BBS7: variants seen among roughly 807,000 people sequenced by gnomAD.
The protein encoded by BBS7 is Bardet-Biedl syndrome 7, also known as BBSome complex member BBS7.
In BBS7, 50 loss-of-function variants were observed where a neutral mutation model predicts 90.3. That is an observed-to-expected ratio of 0.55 (90% CI 0.44 to 0.70). The LOEUF (loss-of-function observed/expected upper bound fraction) is 0.70. Among genes scored for constraint, BBS7 ranks in the 30% least tolerant of loss-of-function variants. The pLI, the probability that BBS7 is intolerant of heterozygous loss-of-function variation, is 0.00. For missense variants in BBS7, 729 were observed against 838.9 expected, an observed-to-expected ratio of 0.87 and a Z score of 1.62; for synonymous variants, 235 against 287.4, an observed-to-expected ratio of 0.82 and a Z score of 1.85.
rs1560661524 is a variant in BBS7, at chr4:121,855,922, A to ATATATGTATATATGTGTG, written c.529-362_529-361insCACACATATATACATATA. Among the ~76,000 whole-genome samples the ATATATGTATATATGTGTG allele has an allele frequency of 5.4e-5, 8 of 147,080 alleles. No homozygotes were observed. The East Asian group carries it at 1.4e-3, about 26-fold the overall frequency. On this transcript the variant is annotated intron_variant, in intron 5 of 18. Coordinates refer to ENST00000264499, the MANE Select transcript of BBS7 (RefSeq NM_176824.3). ...TATGTGTATATATGTATATATGTGT[A>ATATATGTATATATGTGTG]CATGTACATGTGTATATGTATATGT...
chr4:121,862,980 G>A (rs1336711946), intron 3 of BBS7, among the ~76,000 whole-genome samples: 1 of 152,102 alleles, frequency 6.6e-6, no homozygotes, highest in Non-Finnish European at 1.5e-5. Context: ...TAAATTTGGG[G>A]TAATATATTA....
At chr4:121,836,737 T>TTGGA (rs1258433360) in intron 13 of BBS7, among the ~76,000 whole-genome samples, 3 of 152,196 alleles carry the variant, frequency 2.0e-5, no homozygotes, top group African/African-American at 7.2e-5. Context: ...TAATATCTAT[T>TTGGA]TTCCTAAGTG....
At chr4:121,864,308 CCTT>C (rs2149090406) in intron 2 of BBS7, among the ~76,000 whole-genome samples, 1 of 152,306 alleles carries the variant, frequency 6.6e-6, no homozygotes, top group Admixed American at 6.5e-5. Context: ...AAATACCCCT[CCTT>C]ATTTCCAGCT....
At position 121,854,025 on chromosome 4, in the gene BBS7, T is replaced by C. The variant is rs866710591; in HGVS notation, c.718+679A>G. The stretch of plus-strand genomic sequence containing the variant: ...CCCCAAATCTTCATATTGCTAACTC[T>C]TTTTCTTATCAATCAGATCTCAGTT... On this transcript the variant is annotated intron_variant, in intron 7 of 18. Coordinates refer to ENST00000264499, the MANE Select transcript of BBS7 (RefSeq NM_176824.3). Among the ~76,000 whole-genome samples, 67 of 152,298 alleles carry C rather than the reference T, an allele frequency of 4.4e-4. No homozygotes were observed. In the Middle Eastern group the frequency reaches 0.01, roughly 23 times the overall value.
chr4:121,828,529 G>A (rs1184884991), intron 16 of BBS7, 24 bp from the exon 17 acceptor site: 1 of 1,579,260 alleles, frequency 6.3e-7, no homozygotes. Flanking sequence ...ACCAGATGCA[G>A]TTAGATAAAT....
chr4:121,854,403 TG>T (rs1408834973), intron 7 of BBS7, among the ~76,000 whole-genome samples: 3 of 152,170 alleles, frequency 2.0e-5, no homozygotes, highest in African/African-American at 7.2e-5. Flanking sequence ...CAATTAATTC[TG>T]TACCTCAAAC....
intron 12 of BBS7, 60 bp from the exon 13 acceptor site, chr4:121,839,756 G>T: frequency 2.2e-6 from 3 of 1,379,476 alleles, no homozygotes; most frequent in Non-Finnish European, 3.1e-6. Context: ...ACAAAAAAAA[G>T]ACATCAATAA....
rs745709198 is a variant in BBS7 at position 121,861,643 on chromosome 4, T to G, written c.202A>C (p.Arg68=). 2 of 1,613,788 alleles carry G rather than the reference T, an allele frequency of 1.2e-6. No individual in the cohort carries two copies. Among genetic ancestry groups the G allele is most frequent in the Non-Finnish European group, 1.7e-6 (2 of 1,179,812 alleles). The part of the protein sequence containing the change: ...FKTLPGPKIA[R]LELGGVINTP... ...TTGATAACCCCTCCCAGTTCCAGCC[T>G]TGCAATCTTCGGCCCGGGTAAAGTC... The change falls in exon 4 of 19, where the codon AGG becomes CGG. Residue 68 remains arginine (R), a synonymous_variant. Coordinates refer to ENST00000264499, the MANE Select transcript of BBS7 (RefSeq NM_176824.3).
chr4:121,860,307 C>G (rs774648047), intron 4 of BBS7, among the ~76,000 whole-genome samples: 15 of 152,028 alleles, frequency 9.9e-5, no homozygotes, highest in Non-Finnish European at 2.2e-4. Context: ...AGTGGGGATA[C>G]ATGGCAACAT....
chr4:121,858,705 A>G (rs1347966771), intron 5 of BBS7: 2 of 299,198 alleles, frequency 6.7e-6, no homozygotes, highest in Non-Finnish European at 1.3e-5. Context: ...AAAGGCAGGT[A>G]AAGGTTCTCT....
chr4:121,868,208 T>C (rs1029389643), intron 1 of BBS7, among the ~76,000 whole-genome samples, 162 bp from the exon 2 acceptor site: 1 of 152,178 alleles, frequency 6.6e-6, no homozygotes, highest in East Asian at 1.9e-4. Flanking sequence ...TCAGAATACA[T>C]ATAGGAAACA....
At position 121,859,186 on chromosome 4, in the gene BBS7, C is replaced by T; in HGVS notation, c.342-8G>A. The T allele has an allele frequency of 1.2e-6, 2 of 1,612,220 alleles. No individual in the cohort carries two copies. Among genetic ancestry groups the T allele is most frequent in the African/African-American group, 1.3e-5 (1 of 74,956 alleles). ...TCTGAGCCAGATATGTGCCTGAGAA[C>T]ATTAAAATAGTAATTTTTAAAAATA... On this transcript the variant is annotated splice_region_variant and splice_polypyrimidine_tract_variant and intron_variant, in intron 4 of 18. Coordinates refer to ENST00000264499, the MANE Select transcript of BBS7 (RefSeq NM_176824.3).
chr4:121,860,825 C>A (rs965501955), intron 4 of BBS7, among the ~76,000 whole-genome samples: 6 of 152,050 alleles, frequency 3.9e-5, no homozygotes, highest in Admixed American at 2.0e-4. Flanking sequence ...AAGAGTCTGG[C>A]TGATTATATA....
chr4:121,861,447 C>T (rs1437493948), intron 4 of BBS7, 57 bp downstream of exon 4: 1 of 1,528,612 alleles, frequency 6.5e-7, no homozygotes, highest in Admixed American at 1.8e-5. Context: ...TGCCTCACAT[C>T]TATCCAAAAT....
chr4:121,866,030 AT>A lies in BBS7; in HGVS notation c.102+1950del, dbSNP rs1174505552. On this transcript the variant is annotated intron_variant, in intron 2 of 18. Coordinates refer to ENST00000264499, the MANE Select transcript of BBS7 (RefSeq NM_176824.3). ...TCATTTGTATGTATTCTTCTGAGAAATGTTTAGATCATTTGCCCACTTTTTA... is the reference window on the plus strand; with the variant it reads ...TCATTTGTATGTATTCTTCTGAGAAAGTTTAGATCATTTGCCCACTTTTTA... Among the ~76,000 whole-genome samples, 14 of 152,244 alleles carry A rather than the reference AT, an allele frequency of 9.2e-5. No individual in the cohort carries two copies. In the East Asian group the frequency reaches 2.7e-3, roughly 29 times the overall value.
intron 5 of BBS7, among the ~76,000 whole-genome samples, chr4:121,858,369 AGTGT>A (rs56144001): frequency 9.8e-4 from 147 of 150,302 alleles, no homozygotes; most frequent in African/African-American, 3.0e-3. Flanking sequence ...CATCCTATAG[AGTGT>A]GTGTGTGTGT....
At chr4:121,868,307 T>C (rs1204672102) in intron 1 of BBS7, among the ~76,000 whole-genome samples, 1 of 152,174 alleles carries the variant, frequency 6.6e-6, no homozygotes, top group Non-Finnish European at 1.5e-5. Flanking sequence ...AAAAAATATC[T>C]CTAGAAGCCT....
intron 15 of BBS7, among the ~76,000 whole-genome samples, chr4:121,832,234 A>G (rs755695126): frequency 6.6e-6 from 1 of 152,090 alleles, no homozygotes; most frequent in African/African-American, 2.4e-5. Flanking sequence ...CCAGCTACTC[A>G]GGAGGCTGAG....
At chr4:121,839,743 G>T in intron 12 of BBS7, 47 bp from the exon 13 acceptor site, 1 of 1,512,956 alleles carries the variant, frequency 6.6e-7, no homozygotes, top group Non-Finnish European at 9.2e-7. Context: ...CATGTTTTTA[G>T]CAACAAAAAA....
Sources: allele counts gnomAD v4.1 joint callset (sites outside exome capture counted in the v4.1 genomes callset), GRCh38; gene constraint gnomAD v4.1.1; transcripts MANE v1.5; gene names NCBI Gene and HGNC (gene_info 2026-07-23, HGNC 2026-07-21).